Variants in NINL observed in about 807,000 individuals in gnomAD.
NINL encodes ninein like.
NINL carries 153 observed loss-of-function variants against 160.3 expected under a neutral mutation model. The ratio of observed to expected loss-of-function variants is 0.95; its 90% CI spans 0.84 to 1.09. The LOEUF (loss-of-function observed/expected upper bound fraction) is 1.09. Among genes scored for constraint, NINL ranks in the 50% least tolerant of loss-of-function variants. The probability of loss-of-function intolerance (pLI) is 0.00; values close to 1 mark genes in which losing one functional copy is unlikely to be tolerated. For synonymous variants in NINL, 800 were observed against 734.8 expected (o/e 1.09, Z -1.43); for missense variants, 1,829 against 1,764.0 (o/e 1.04, Z -0.66).
chr20:25,550,563 G>A (rs1156360946), intron 1 of NINL, among the ~76,000 whole-genome samples: 1 of 151,972 alleles, frequency 6.6e-6, no homozygotes, highest in East Asian at 1.9e-4. Context: ...GATGTGGCAG[G>A]ACTATAGGGT....
chr20:25,459,842 C>T (rs6115191), intron 21 of NINL, among the ~76,000 whole-genome samples: 61,684 of 152,038 alleles, frequency 0.41, 13,597 homozygotes, highest in East Asian at 0.92. Flanking sequence ...TCCTTGGCAA[C>T]GCGAGACGGG....
At chr20:25,551,318 CTT>C (rs1258838934) in intron 1 of NINL, among the ~76,000 whole-genome samples, 1 of 152,042 alleles carries the variant, frequency 6.6e-6, no homozygotes, top group Non-Finnish European at 1.5e-5. Flanking sequence ...TCTGATCTCT[CTT>C]TCTTTCCCCC....
At position 25,476,417 on chromosome 20, in the gene NINL, C is replaced by A. The variant is rs752730160; in HGVS notation, c.2874G>T (p.Trp958Cys). The stretch of plus-strand genomic sequence containing the variant: ...AAGCGGCCGGCCTCAGGGGTGGCTC[C>A]CACATCCGTGGCTGGGTTTGCGAGG... ...RDASQTQPRM[W>C]EPPLRPAASC... Residue 958 changes from tryptophan to cysteine, a missense_variant, in exon 17 of 24, where the codon TGG becomes TGT. By Grantham distance (215) the Trp-to-Cys change is radical. Coordinates refer to ENST00000278886, the MANE Select transcript of NINL (RefSeq NM_025176.6). 2.0e-6 allele frequency: 1 copy of A among 497,528 alleles called. No homozygotes were observed. The highest frequency in any genetic ancestry group is 3.7e-5 in the South Asian group (1 of 27,226). The allele number at this position is 497,528 out of a possible 1,614,324, so 30.8% of individuals were successfully genotyped here.
chr20:25,526,350 A>G lies in NINL; in HGVS notation c.180+58T>C, dbSNP rs182265408. ...TTCAGCTGATATTTATCAAATGCCCATAAGAGCCAACTATAGACCCCGTGC... is the reference window on the plus strand; with the variant it reads ...TTCAGCTGATATTTATCAAATGCCCGTAAGAGCCAACTATAGACCCCGTGC... On this transcript the variant is annotated intron_variant, in intron 2 of 23. Coordinates refer to ENST00000278886, the MANE Select transcript of NINL (RefSeq NM_025176.6). 3.3e-5 allele frequency: 49 copies of G among 1,477,374 alleles called. No individual in the cohort carries two copies. In the East Asian group the frequency reaches 6.7e-4, roughly 20 times the overall value. 91.5% of individuals were successfully genotyped at this position (1,477,374 alleles called of 1,614,324 possible).
At chr20:25,461,768 A>C in intron 20 of NINL, 133 bp from the exon 21 acceptor site, 4 of 616,774 alleles carry the variant, frequency 6.5e-6, no homozygotes, top group African/African-American at 1.9e-5. Context: ...CCCACCAACC[A>C]AGGCCGGCCC....
At chr20:25,454,024 C>G (rs1366205834) in intron 23 of NINL, among the ~76,000 whole-genome samples, 1 of 151,946 alleles carries the variant, frequency 6.6e-6, no homozygotes, top group Non-Finnish European at 1.5e-5. Flanking sequence ...TGCACTCCAT[C>G]CAGCCTAGGC....
chr20:25,466,460 T>A (rs1329438387), intron 19 of NINL, among the ~76,000 whole-genome samples: 1 of 152,230 alleles, frequency 6.6e-6, no homozygotes, highest in African/African-American at 2.4e-5. Flanking sequence ...GGATGATCAC[T>A]CTATATTGTT....
At chr20:25,538,789 G>C (rs2064606855) in intron 1 of NINL, among the ~76,000 whole-genome samples, 1 of 152,110 alleles carries the variant, frequency 6.6e-6, no homozygotes, top group East Asian at 1.9e-4. Flanking sequence ...GGAGAGCACA[G>C]AACTGGGGAG....
At chr20:25,551,334 C>G (rs1023273868) in intron 1 of NINL, among the ~76,000 whole-genome samples, 1 of 151,856 alleles carries the variant, frequency 6.6e-6, no homozygotes, top group Non-Finnish European at 1.5e-5. Flanking sequence ...TTCCCCCACA[C>G]ATTCCAGCCT....
At chr20:25,496,368 C>T (rs1448508461) in intron 10 of NINL, among the ~76,000 whole-genome samples, 1 of 152,136 alleles carries the variant, frequency 6.6e-6, no homozygotes, top group Non-Finnish European at 1.5e-5. Flanking sequence ...AGCTAGGGGC[C>T]GAAAGGCTTG....
intron 1 of NINL, among the ~76,000 whole-genome samples, chr20:25,563,944 C>T (rs1341952070): frequency 1.3e-5 from 2 of 152,020 alleles, no homozygotes; most frequent in African/African-American, 2.4e-5. Flanking sequence ...ACTGGCTGGG[C>T]GTGGTGGGTC....
chr20:25,504,840 T>C, intron 6 of NINL, 48 bp downstream of exon 6: 1 of 1,595,320 alleles, frequency 6.3e-7, no homozygotes, highest in Non-Finnish European at 8.5e-7. Flanking sequence ...CACTAAACCG[T>C]GACCATGGCC....
chr20:25,571,867 GAAAAAAAAAAAAAAA>G (rs10536325), intron 1 of NINL, among the ~76,000 whole-genome samples: 1 of 41,550 alleles, frequency 2.4e-5, no homozygotes, highest in Admixed American at 4.4e-4. Context: ...GACTCTGTCT[GAAAAAAAAAAAAAAA>G]AAAAAAAAAA....
intron 1 of NINL, among the ~76,000 whole-genome samples, chr20:25,532,099 A>G (rs1304697158): frequency 6.6e-6 from 1 of 152,172 alleles, no homozygotes; most frequent in African/African-American, 2.4e-5. Context: ...CCTCTGTGGA[A>G]CTAAGAGAGG....
intron 1 of NINL, among the ~76,000 whole-genome samples, chr20:25,574,391 T>G (rs1388996914): frequency 1.3e-5 from 2 of 151,616 alleles, no homozygotes; most frequent in Non-Finnish European, 2.9e-5. Context: ...TTATTAGGCA[T>G]AAAAATGCCA....
intron 23 of NINL, among the ~76,000 whole-genome samples, chr20:25,454,199 C>T (rs1323869992): frequency 6.6e-6 from 1 of 152,158 alleles, no homozygotes; most frequent in Non-Finnish European, 1.5e-5. Flanking sequence ...GGACTTCAGG[C>T]AAAAGTGGCC....
intron 9 of NINL, among the ~76,000 whole-genome samples, chr20:25,497,298 C>G (rs1188135776): frequency 6.6e-6 from 1 of 152,264 alleles, no homozygotes; most frequent in African/African-American, 2.4e-5. Context: ...TCAGCTCTGC[C>G]TGGCCACCCT....
chr20:25,518,822 G>A (rs1275095324), intron 2 of NINL, among the ~76,000 whole-genome samples: 1 of 151,976 alleles, frequency 6.6e-6, no homozygotes, highest in East Asian at 1.9e-4. Flanking sequence ...TTATGGCCAG[G>A]CATGGTTGCT....
chr20:25,483,967 A>G (rs2063453368), intron 13 of NINL, among the ~76,000 whole-genome samples: 1 of 152,222 alleles, frequency 6.6e-6, no homozygotes, highest in South Asian at 2.1e-4. Flanking sequence ...CGGGACTTCC[A>G]GGAACACGAC....
Sources: gnomAD v4.1 joint callset for allele counts (sites outside exome capture counted in the v4.1 genomes callset) on GRCh38, gnomAD v4.1.1 for gene constraint, MANE v1.5 for transcripts, NCBI Gene and HGNC (gene_info 2026-07-23, HGNC 2026-07-21) for gene names.